Variants in ROBO2 observed in about 807,000 individuals in gnomAD.
The protein encoded by ROBO2 is roundabout guidance receptor 2.
A neutral mutation model predicts 160.8 loss-of-function variants in ROBO2; 53 were observed. The observed-to-expected ratio is 0.33, with a 90% CI of 0.26 to 0.41. The LOEUF is 0.41. Among genes scored for constraint, ROBO2 ranks in the 10% least tolerant of loss-of-function variants. The probability of loss-of-function intolerance (pLI) is 1.00; values close to 1 mark genes in which losing one functional copy is unlikely to be tolerated. For missense variants in ROBO2, 1,577 were observed against 1,722.4 expected (o/e 0.92, Z 1.49); for synonymous variants, 664 against 611.7 (o/e 1.09, Z -1.26).
chr3:76,243,912 C>A (rs1705457746), intron 2 of ROBO2, among the ~76,000 whole-genome samples: 1 of 151,808 alleles, frequency 6.6e-6, no homozygotes, highest in Admixed American at 6.6e-5. Flanking sequence ...AAGTAGAGAA[C>A]AATGTAAGTT....
In ROBO2 at chr3:76,416,469, G is replaced by A. The variant is rs150197121; in HGVS notation, c.109+478867G>A. Among the ~76,000 whole-genome samples the A allele has an allele frequency of 7.7e-4, 117 of 152,050 alleles. No homozygotes were observed. The South Asian group carries it at 0.011, about 14-fold the overall frequency. ...ATCAGAAGACACTAAAAATAAAACC[G>A]TACATAATTTACATTTTGACCATTA... On this transcript the variant is annotated intron_variant, in intron 2 of 26. Coordinates refer to the ROBO2 transcript ENST00000487694.
chr3:77,229,971 A>C (rs1220880370), intron 2 of ROBO2, among the ~76,000 whole-genome samples: 2 of 152,218 alleles, frequency 1.3e-5, no homozygotes, highest in African/African-American at 4.8e-5. Flanking sequence ...GAAAGTATAA[A>C]TTAAAGTAAA....
chr3:76,097,316 G>C (rs934175197), intron 2 of ROBO2, among the ~76,000 whole-genome samples: 18 of 152,012 alleles, frequency 1.2e-4, no homozygotes, highest in African/African-American at 4.1e-4. Flanking sequence ...TCATAGCCTA[G>C]CACCTGAACT....
At chr3:76,938,520 T>G (rs1409248754) in intron 2 of ROBO2, among the ~76,000 whole-genome samples, 1 of 152,080 alleles carries the variant, frequency 6.6e-6, no homozygotes, top group Non-Finnish European at 1.5e-5. Context: ...TGATCTGCTC[T>G]CTCTCTCTCT....
chr3:76,691,972 GAGA>G (rs1162459137), intron 2 of ROBO2, among the ~76,000 whole-genome samples: 2 of 152,264 alleles, frequency 1.3e-5, no homozygotes, highest in South Asian at 2.1e-4. Flanking sequence ...CAAGAATAGG[GAGA>G]AGAACTTCAG....
intron 2 of ROBO2, among the ~76,000 whole-genome samples, chr3:77,364,375 G>A (rs907341825): frequency 2.0e-5 from 3 of 152,196 alleles, no homozygotes; most frequent in Admixed American, 6.6e-5. Flanking sequence ...TGAGGCTTTG[G>A]ATGGGCTGGC....
intron 2 of ROBO2, among the ~76,000 whole-genome samples, chr3:77,099,486 C>T (rs1473675620): frequency 2.0e-5 from 3 of 151,994 alleles, no homozygotes; most frequent in African/African-American, 7.3e-5. Flanking sequence ...TTGTGAAGTG[C>T]CTTGAGCTAT....
At chr3:76,158,461 A>C (rs961355047) in intron 2 of ROBO2, among the ~76,000 whole-genome samples, 1 of 150,652 alleles carries the variant, frequency 6.6e-6, no homozygotes, top group Non-Finnish European at 1.5e-5. Context: ...AAAAAAAAAA[A>C]CTTCACAAAC....
At chr3:76,510,677 C>T (rs1047179001) in intron 2 of ROBO2, among the ~76,000 whole-genome samples, 4 of 151,962 alleles carry the variant, frequency 2.6e-5, no homozygotes, top group Non-Finnish European at 5.9e-5. Flanking sequence ...TGGGTGAGAT[C>T]CTTCCACTGC....
At chr3:76,604,130 T>C (rs1026547344) in intron 2 of ROBO2, among the ~76,000 whole-genome samples, 2 of 152,300 alleles carry the variant, frequency 1.3e-5, no homozygotes, top group African/African-American at 4.8e-5. Context: ...TATATCCTAA[T>C]GATGACATTA....
chr3:76,537,895 G>A (rs2082598336), intron 2 of ROBO2, among the ~76,000 whole-genome samples: 1 of 152,026 alleles, frequency 6.6e-6, no homozygotes, highest in Non-Finnish European at 1.5e-5. Context: ...GGTGCATGGT[G>A]GAGAGACCAT....
At chr3:76,914,341 A>T (rs2076181035) in intron 2 of ROBO2, among the ~76,000 whole-genome samples, 1 of 152,320 alleles carries the variant, frequency 6.6e-6, no homozygotes, top group South Asian at 2.1e-4. Flanking sequence ...AGTTCACTAA[A>T]CTTTTAGAAT....
chr3:77,026,230 G>A lies in ROBO2; in HGVS notation c.110-71784G>A, dbSNP rs1230247425. Among the ~76,000 whole-genome samples, 8 of 152,104 alleles carry A rather than the reference G, an allele frequency of 5.3e-5. No homozygotes were observed. The South Asian group carries it at 6.2e-4, about 12-fold the overall frequency. Reference sequence around the variant, plus strand: ...ATAAATTTTGACCTTTGTGATATACGTATCTGTATTATTAAAAGCTGTGTT... The same window carrying A: ...ATAAATTTTGACCTTTGTGATATACATATCTGTATTATTAAAAGCTGTGTT... On this transcript the variant is annotated intron_variant, in intron 2 of 26. Coordinates refer to the ROBO2 transcript ENST00000487694.
intron 2 of ROBO2, among the ~76,000 whole-genome samples, chr3:77,414,165 T>A (rs552664271): frequency 1.3e-5 from 2 of 152,132 alleles, no homozygotes; most frequent in Non-Finnish European, 2.9e-5. Context: ...GTTGGCCAAA[T>A]GAACTAAATA....
intron 2 of ROBO2, among the ~76,000 whole-genome samples, chr3:77,208,594 C>A (rs1251136135): frequency 1.3e-5 from 2 of 152,054 alleles, no homozygotes; most frequent in Non-Finnish European, 2.9e-5. Flanking sequence ...TTTGAATGGA[C>A]AGAACTAACA....
chr3:76,062,380 A>G (rs1011636792), intron 2 of ROBO2, among the ~76,000 whole-genome samples: 2 of 152,030 alleles, frequency 1.3e-5, no homozygotes, highest in Non-Finnish European at 2.9e-5. Flanking sequence ...CTGTCCGACT[A>G]CTTCACTAAT....
chr3:76,527,317 G>C (rs1014901072), intron 2 of ROBO2, among the ~76,000 whole-genome samples: 2 of 151,914 alleles, frequency 1.3e-5, no homozygotes, highest in Non-Finnish European at 2.9e-5. Context: ...TTTTTAAAAA[G>C]TCAGAAGTGC....
intron 17 of ROBO2, among the ~76,000 whole-genome samples, chr3:77,591,820 A>G (rs1204387860): frequency 6.6e-6 from 1 of 152,252 alleles, no homozygotes; most frequent in Middle Eastern, 3.4e-3. Flanking sequence ...CAAGGCAAAC[A>G]CTTATTTGAA....
intron 2 of ROBO2, among the ~76,000 whole-genome samples, chr3:76,035,547 A>G (rs913461259): frequency 3.3e-5 from 5 of 152,020 alleles, no homozygotes; most frequent in Non-Finnish European, 7.3e-5. Context: ...AATAACCAGC[A>G]GACTGTTTAA....
Sources: allele counts gnomAD v4.1 joint callset (sites outside exome capture counted in the v4.1 genomes callset), GRCh38; gene constraint gnomAD v4.1.1; transcripts MANE v1.5; gene names NCBI Gene and HGNC (gene_info 2026-07-23, HGNC 2026-07-21).